SH3D19: variants seen among roughly 807,000 people sequenced by gnomAD.
SH3D19 encodes SH3 domain containing 19, also known as SH3 domain-containing protein 19.
In SH3D19, 58 loss-of-function variants were observed where a neutral mutation model predicts 112.1. The observed-to-expected ratio is 0.52, with a 90% CI of 0.42 to 0.64. The LOEUF (loss-of-function observed/expected upper bound fraction) is 0.64, where lower values mean the gene tolerates loss of function less well. SH3D19 is among the 30% of genes least tolerant of loss of function. The pLI, the probability that SH3D19 is intolerant of heterozygous loss-of-function variation, is 0.00. For synonymous variants in SH3D19, 391 were observed against 448.5 expected (o/e 0.87, Z 1.62); for missense variants, 1,090 against 1,263.4 (o/e 0.86, Z 2.08).
At chr4:151,138,684 TCTCACACACACACACACA>T (rs1378996167) in intron 13 of SH3D19, among the ~76,000 whole-genome samples, 2,908 of 135,876 alleles carry the variant, frequency 0.021, 106 homozygotes, top group African/African-American at 0.068. Flanking sequence ...CAAGATCTTG[TCTCACACACACACACACA>T]CACACACACA....
At chr4:151,293,842 T>C (rs1245446739) in intron 1 of SH3D19, among the ~76,000 whole-genome samples, 2 of 152,188 alleles carry the variant, frequency 1.3e-5, no homozygotes. Flanking sequence ...GCCTATTCTC[T>C]ATGCTTAAAC....
At chr4:151,191,495 G>A (rs1762624646) in intron 2 of SH3D19, among the ~76,000 whole-genome samples, 1 of 152,126 alleles carries the variant, frequency 6.6e-6, no homozygotes, top group African/African-American at 2.4e-5. Context: ...AGTTATGGGG[G>A]TGGGTCTTTC....
chr4:151,285,607 C>T, intron 1 of SH3D19, among the ~76,000 whole-genome samples: 1 of 152,144 alleles, frequency 6.6e-6, no homozygotes, highest in East Asian at 1.9e-4. Flanking sequence ...CTACGTTAAA[C>T]AATATATCTC....
Position 151,132,350 on chromosome 4 carries a change from T to A in SH3D19, c.2723A>T (p.Asp908Val). 6.2e-7 allele frequency: 1 copy of A among 1,613,958 alleles called. No homozygotes were observed. The highest frequency in any genetic ancestry group is 1.1e-5 in the South Asian group (1 of 91,052). ...TKVPLKTKKE[D>V]SGSNSQVNSL... ...GCCTACCTGAGAGTTTGAGCCAGAA[T>A]CTTCTTTTTTGGTTTTCAGTGGTAC... The change falls in exon 17 of 20, where the codon GAT becomes GTT. Residue 908 changes from aspartate to valine, a missense_variant. Transcript: ENST00000604030.
intron 19 of SH3D19, among the ~76,000 whole-genome samples, chr4:151,125,007 G>A (rs1326687331): frequency 6.6e-6 from 1 of 152,070 alleles, no homozygotes; most frequent in Admixed American, 6.6e-5. Context: ...AAAGATAAAC[G>A]GGATACATTT....
At chr4:151,226,682 G>T (rs1289932267) in intron 1 of SH3D19, 1 of 157,844 alleles carries the variant, frequency 6.3e-6, no homozygotes, top group Admixed American at 6.6e-5. Context: ...AACTCTCATG[G>T]GTAGAAAGCA....
chr4:151,303,739 G>GT (rs1193708035), intron 1 of SH3D19, among the ~76,000 whole-genome samples: 1 of 152,122 alleles, frequency 6.6e-6, no homozygotes, highest in African/African-American at 2.4e-5. Context: ...GTTTTGAAAA[G>GT]TAACAAAGGG....
chr4:151,263,304 G>A (rs1772519514), intron 1 of SH3D19, among the ~76,000 whole-genome samples: 1 of 152,204 alleles, frequency 6.6e-6, no homozygotes, highest in South Asian at 2.1e-4. Context: ...AGGTGAAGAT[G>A]CTGGGGTCCA....
chr4:151,176,441 G>A, intron 6 of SH3D19, 93 bp downstream of exon 6: 1 of 1,036,218 alleles, frequency 9.7e-7, no homozygotes, highest in South Asian at 5.0e-5. Flanking sequence ...AATGAATTAT[G>A]CACAAATTGC....
chr4:151,322,261 C>G (rs1332782835), intron 1 of SH3D19, among the ~76,000 whole-genome samples: 4 of 151,592 alleles, frequency 2.6e-5, no homozygotes, highest in Non-Finnish European at 5.9e-5. Flanking sequence ...GGTGAAACCC[C>G]GTCTCCACTA....
chr4:151,161,671 T>G (rs1020915338), intron 8 of SH3D19, among the ~76,000 whole-genome samples: 1 of 150,226 alleles, frequency 6.7e-6, no homozygotes, highest in African/African-American at 2.4e-5. Flanking sequence ...CTAGGGTACA[T>G]GTGCACAACG....
chr4:151,283,508 CTTT>C (rs5862956), intron 1 of SH3D19, among the ~76,000 whole-genome samples: 112 of 126,510 alleles, frequency 8.9e-4, no homozygotes, highest in Non-Finnish European at 9.6e-4. Flanking sequence ...GGTCATTGGA[CTTT>C]TTTTTTTTTT....
chr4:151,282,225 A>G lies in SH3D19; in HGVS notation c.112+43016T>C, dbSNP rs776207705. ...GACTCAAGGAAACGTGTGAAGTACT[A>G]CGTGTCCAAAATCGTCATCCATCCC... On this transcript the variant is annotated intron_variant, in intron 1 of 19. Transcript: ENST00000604030. 6.8e-6 allele frequency: 11 copies of G among 1,613,814 alleles called. No homozygotes were observed. Among genetic ancestry groups the G allele is most frequent in the African/African-American group, 1.3e-5 (1 of 74,912 alleles).
chr4:151,167,921 C>T (rs1390464135), intron 7 of SH3D19, among the ~76,000 whole-genome samples: 7 of 152,212 alleles, frequency 4.6e-5, no homozygotes, highest in Non-Finnish European at 1.0e-4. Context: ...TCTGCCCGGC[C>T]GCTGTGCAAC....
chr4:151,307,226 T>G (rs1200466832), intron 1 of SH3D19, among the ~76,000 whole-genome samples: 1 of 151,714 alleles, frequency 6.6e-6, no homozygotes, highest in East Asian at 1.9e-4. Context: ...GTTTCACCGT[T>G]TTAGCCGGGA....
chr4:151,184,673 C>T (rs1761468256), intron 3 of SH3D19, among the ~76,000 whole-genome samples: 1 of 152,136 alleles, frequency 6.6e-6, no homozygotes, highest in Non-Finnish European at 1.5e-5. Context: ...TCCCTGCTGC[C>T]TACAAATGTC....
chr4:151,267,574 T>C (rs1355713630), intron 1 of SH3D19, among the ~76,000 whole-genome samples: 1 of 152,248 alleles, frequency 6.6e-6, no homozygotes, highest in African/African-American at 2.4e-5. Flanking sequence ...ATTCATCTTT[T>C]TGACCTTCTA....
chr4:151,306,678 A>G (rs1161904062), intron 1 of SH3D19, among the ~76,000 whole-genome samples: 1 of 152,234 alleles, frequency 6.6e-6, no homozygotes, highest in African/African-American at 2.4e-5. Context: ...GTGCTCAAGG[A>G]GCTATTGAAA....
At chr4:151,237,003 A>T (rs1032428992) in intron 1 of SH3D19, among the ~76,000 whole-genome samples, 1 of 152,220 alleles carries the variant, frequency 6.6e-6, no homozygotes, top group Non-Finnish European at 1.5e-5. Context: ...AACATGCTGA[A>T]GTCCCCTTCC....
Sources: gnomAD v4.1 joint callset for allele counts (sites outside exome capture counted in the v4.1 genomes callset) on GRCh38, gnomAD v4.1.1 for gene constraint, MANE v1.5 for transcripts, NCBI Gene and HGNC (gene_info 2026-07-23, HGNC 2026-07-21) for gene names.